Variants in SMIM27 observed in about 807,000 individuals in gnomAD.
SMIM27 encodes the protein transition zone microprotein 1.
In SMIM27, 3 loss-of-function variants were observed where a neutral mutation model predicts 1.8. That is an observed-to-expected ratio of 1.65 (90% CI 0.75 to 4.28). The LOEUF (loss-of-function observed/expected upper bound fraction) is 4.28. Ranked by LOEUF, SMIM27 falls within the 30% of genes most tolerant of loss-of-function variation. The pLI, the probability that SMIM27 is intolerant of heterozygous loss-of-function variation, is 0.02. For missense variants in SMIM27, 63 were observed against 37.0 expected, an observed-to-expected ratio of 1.70 and a Z score of -1.83; for synonymous variants, 19 against 13.9, an observed-to-expected ratio of 1.37 and a Z score of -0.82.
intron 1 of SMIM27, among the ~76,000 whole-genome samples, chr9:32,560,834 A>G (rs1821604521): frequency 6.6e-6 from 1 of 152,218 alleles, no homozygotes; most frequent in South Asian, 2.1e-4. Context: ...AGTTTAATAG[A>G]ATTTTAAAAC....
rs752252059 is a variant in SMIM27 at position 32,552,430 on chromosome 9, T to C, written c.-5T>C. On this transcript the variant is annotated 5_prime_UTR_variant, in exon 1 of 2. Transcript: ENST00000692500. ...GCTCCCGCGGACTGCTGCCGCCTCC[T>C]TACCATGAAGCCAGTAAGTCGTCGC... 1 of 1,609,434 alleles carries C rather than the reference T, an allele frequency of 6.2e-7. No individual in the cohort carries two copies. Among genetic ancestry groups the C allele is most frequent in the African/African-American group, 1.3e-5 (1 of 74,888 alleles).
chr9:32,563,664 A>G (rs1014413565), intron 1 of SMIM27, among the ~76,000 whole-genome samples: 27 of 152,068 alleles, frequency 1.8e-4, no homozygotes, highest in African/African-American at 6.0e-4. Flanking sequence ...TGAATTAAAT[A>G]TTACTATGAT....
chr9:32,562,510 T>C (rs1821654661), intron 1 of SMIM27, among the ~76,000 whole-genome samples: 1 of 152,240 alleles, frequency 6.6e-6, no homozygotes, highest in Non-Finnish European at 1.5e-5. Context: ...CAACATTCAC[T>C]GGATTATCTA....
chr9:32,566,020 A>T, intron 1 of SMIM27: 1 of 330,244 alleles, frequency 3.0e-6, no homozygotes, highest in Non-Finnish European at 5.6e-6. Flanking sequence ...CTGAAATCAG[A>T]TTTGCCGGAA....
At chr9:32,559,566 C>A (rs953584719) in intron 1 of SMIM27, among the ~76,000 whole-genome samples, 5 of 152,174 alleles carry the variant, frequency 3.3e-5, no homozygotes, top group Non-Finnish European at 7.3e-5. Context: ...TTCAGTCAAG[C>A]CTGCTTGTGC....
At chr9:32,551,944 A>ACAGG (rs1176548990), upstream of SMIM27, 3 of 305,036 alleles carry the variant, frequency 9.8e-6, no homozygotes, top group East Asian at 2.5e-4. Flanking sequence ...TCAAAGATGA[A>ACAGG]CAGGCGAACG....
intron 1 of SMIM27, chr9:32,559,019 G>C (rs1356925317): frequency 8.7e-7 from 1 of 1,147,882 alleles, no homozygotes; most frequent in African/African-American, 1.6e-5. Context: ...ATAAGAAATA[G>C]GTCATACCCC....
downstream of SMIM27, chr9:32,553,012 A>C (rs940365890): frequency 3.2e-5 from 19 of 592,988 alleles, no homozygotes; most frequent in Middle Eastern, 3.7e-4. Flanking sequence ...AAAGTTCCCA[A>C]GTTTATTTTT....
chr9:32,559,754 A>G (rs796511164), intron 1 of SMIM27, among the ~76,000 whole-genome samples: 35 of 152,232 alleles, frequency 2.3e-4, no homozygotes, highest in African/African-American at 7.5e-4. Context: ...TTTTTCTTCT[A>G]TAGACTTGTT....
At chr9:32,551,439 A>T, upstream of SMIM27, 1 of 304,632 alleles carries the variant, frequency 3.3e-6, no homozygotes, top group African/African-American at 2.2e-5. Flanking sequence ...CCAGTATCCT[A>T]TAAAGTCTTC....
downstream of SMIM27, among the ~76,000 whole-genome samples, chr9:32,556,964 G>C (rs544124407): frequency 6.9e-6 from 1 of 144,718 alleles, no homozygotes; most frequent in Non-Finnish European, 1.5e-5. Context: ...CAATTCTTGT[G>C]CCTCAGCCTC....
At chr9:32,564,670 T>C (rs971618985) in intron 1 of SMIM27, among the ~76,000 whole-genome samples, 5 of 152,100 alleles carry the variant, frequency 3.3e-5, no homozygotes, top group Admixed American at 2.0e-4. Flanking sequence ...AGCGTTTCCT[T>C]CCAGATTGTC....
chr9:32,556,412 G>C (rs937761456), downstream of SMIM27, among the ~76,000 whole-genome samples: 6 of 152,232 alleles, frequency 3.9e-5, no homozygotes, highest in Non-Finnish European at 8.8e-5. Flanking sequence ...GATAGGCACG[G>C]CTGTAAGATT....
chr9:32,553,448 C>CA (rs1317933365), downstream of SMIM27: 1 of 179,888 alleles, frequency 5.6e-6, no homozygotes, highest in African/African-American at 2.4e-5. Context: ...CTCGGCCTCC[C>CA]AAAGTGCTGG....
chr9:32,565,871 T>C (rs1821770039), intron 1 of SMIM27, among the ~76,000 whole-genome samples: 1 of 150,832 alleles, frequency 6.6e-6, no homozygotes, highest in Admixed American at 6.6e-5. Context: ...ACTTGGGAGG[T>C]TGAGGCAGGA....
upstream of SMIM27, chr9:32,551,795 T>C (rs1008017197): frequency 2.2e-6 from 1 of 453,190 alleles, no homozygotes; most frequent in Non-Finnish European, 4.4e-6. Context: ...GCTTGACTGA[T>C]ACATTATGGC....
chr9:32,566,353 G>C (rs1169169133), intron 1 of SMIM27: 1 of 1,181,538 alleles, frequency 8.5e-7, no homozygotes, highest in African/African-American at 1.5e-5. Flanking sequence ...ACCAGTGTAG[G>C]AATGATGGTG....
At chr9:32,558,926 T>C (rs749058743) in intron 1 of SMIM27, 2 of 1,584,994 alleles carry the variant, frequency 1.3e-6, no homozygotes, top group Non-Finnish European at 1.7e-6. Flanking sequence ...TATTCTGGAC[T>C]TCTTTTCAAC....
chr9:32,554,606 A>G (rs1821404628), downstream of SMIM27, among the ~76,000 whole-genome samples: 1 of 152,212 alleles, frequency 6.6e-6, no homozygotes, highest in South Asian at 2.1e-4. Flanking sequence ...AATTGTCCCC[A>G]TACCCACCCC....
Sources: allele counts gnomAD v4.1 joint callset (sites outside exome capture counted in the v4.1 genomes callset), GRCh38; gene constraint gnomAD v4.1.1; transcripts MANE v1.5; gene names NCBI Gene and HGNC (gene_info 2026-07-23, HGNC 2026-07-21).